Variants in DISP3 observed in about 807,000 individuals in gnomAD.
DISP3 encodes the protein protein dispatched homolog 3.
A neutral mutation model predicts 135.3 loss-of-function variants in DISP3; 101 were observed. The ratio of observed to expected loss-of-function variants is 0.75; its 90% CI spans 0.64 to 0.88. The LOEUF is 0.88. Among genes scored for constraint, DISP3 ranks in the 40% least tolerant of loss-of-function variants. DISP3 has a pLI of 0.00. For missense variants in DISP3, 1,713 were observed against 1,878.6 expected (o/e 0.91, Z 1.63); for synonymous variants, 856 against 817.0 (o/e 1.05, Z -0.81).
intron 3 of DISP3, among the ~76,000 whole-genome samples, chr1:11,506,852 A>G (rs1020076444): frequency 6.6e-6 from 1 of 152,210 alleles, no homozygotes; most frequent in African/African-American, 2.4e-5. Flanking sequence ...TTAAGGCTGA[A>G]GTGCAGTGGC....
At chr1:11,524,285 C>T (rs1038100177) in intron 11 of DISP3, among the ~76,000 whole-genome samples, 2 of 152,008 alleles carry the variant, frequency 1.3e-5, no homozygotes, top group African/African-American at 4.8e-5. Flanking sequence ...CCCAGAGCCT[C>T]CCTGTGCACC....
At chr1:11,486,918 A>T (rs1017265004) in intron 1 of DISP3, among the ~76,000 whole-genome samples, 33 of 152,196 alleles carry the variant, frequency 2.2e-4, no homozygotes, top group African/African-American at 8.0e-4. Flanking sequence ...GGCTCAAGTG[A>T]TCTGCCTGCC....
intron 10 of DISP3, among the ~76,000 whole-genome samples, chr1:11,523,091 G>A (rs1338180102): frequency 2.6e-5 from 4 of 152,166 alleles, no homozygotes; most frequent in Admixed American, 2.6e-4. Flanking sequence ...AAGGGCAGGC[G>A]AGGCCAGAAC....
intron 1 of DISP3, among the ~76,000 whole-genome samples, chr1:11,496,915 A>G (rs1641350833): frequency 6.6e-6 from 1 of 152,252 alleles, no homozygotes; most frequent in Non-Finnish European, 1.5e-5. Flanking sequence ...AGGGCCACCC[A>G]GAAAGCTGGT....
At chr1:11,534,598 C>T in intron 18 of DISP3, 58 bp downstream of exon 18, 1 of 1,553,822 alleles carries the variant, frequency 6.4e-7, no homozygotes, top group Non-Finnish European at 8.7e-7. Flanking sequence ...GGACCTGGGG[C>T]CGGGAGGGCA....
intron 1 of DISP3, among the ~76,000 whole-genome samples, chr1:11,497,245 G>C (rs1444536506): frequency 6.6e-6 from 1 of 152,044 alleles, no homozygotes; most frequent in African/African-American, 2.4e-5. Context: ...TGGGGTACAG[G>C]TGGTACTTGG....
At chr1:11,500,008 G>A (rs1043018853) in intron 1 of DISP3, among the ~76,000 whole-genome samples, 1 of 152,374 alleles carries the variant, frequency 6.6e-6, no homozygotes, top group Admixed American at 6.5e-5. Context: ...CGGGGATGCC[G>A]GAAAGCCTCC....
At chr1:11,524,123 G>A in intron 11 of DISP3, 68 bp downstream of exon 11, 1 of 1,229,676 alleles carries the variant, frequency 8.1e-7, no homozygotes, top group Non-Finnish European at 1.2e-6. Context: ...TGTAAGGAGA[G>A]CAGATAAAAT....
At chr1:11,535,264 G>T in intron 19 of DISP3, 140 bp downstream of exon 19, 1 of 1,028,390 alleles carries the variant, frequency 9.7e-7, no homozygotes, top group Non-Finnish European at 1.4e-6. Flanking sequence ...TGTCTCTCCT[G>T]CATGTCTGTG....
At position 11,501,919 on chromosome 1, in the gene DISP3, A is replaced by G. The variant is rs769747625; in HGVS notation, c.927A>G (p.Pro309=). 34 of 1,613,440 alleles carry G rather than the reference A, an allele frequency of 2.1e-5. No individual in the cohort carries two copies. Among genetic ancestry groups the G allele is most frequent in the Non-Finnish European group, 2.8e-5 (33 of 1,179,866 alleles). Residue 309 remains proline, a synonymous_variant, in exon 2 of 21, where the codon CCA becomes CCG. Transcript: ENST00000294484. This position sits in a 1 kb window ranked among gnomAD's most constrained non-coding sequence, Gnocchi z 4.9. ...TCGAGCGCAAGATCATGGACCACCC[A>G]GGCTTCCGGGAGTTCTGCTGGAAGC... The part of the protein sequence containing the change: ...HEIERKIMDH[P]GFREFCWKPH...
intron 1 of DISP3, among the ~76,000 whole-genome samples, chr1:11,486,811 G>A (rs1317931961): frequency 6.6e-6 from 1 of 152,080 alleles, no homozygotes; most frequent in Non-Finnish European, 1.5e-5. Flanking sequence ...CTGAGTAATT[G>A]GGACTACGGG....
In DISP3 at chr1:11,501,865, C is replaced by T. The variant is rs1050480944; in HGVS notation, c.873C>T (p.Thr291=). Residue 291 remains threonine, a synonymous_variant, in exon 2 of 21, where the codon ACC becomes ACT. Coordinates refer to ENST00000294484, the MANE Select transcript of DISP3 (RefSeq NM_020780.2). This position sits in a 1 kb window ranked among gnomAD's most constrained non-coding sequence, Gnocchi z 4.9. ...GCGACGCGGAGCGCAACATTTTCAC[C>T]AGTGAGCGCCTGGTCACGATCCATG... ...ARGDAERNIF[T]SERLVTIHEI... 1 of 1,613,068 alleles carries T rather than the reference C, an allele frequency of 6.2e-7. No individual in the cohort carries two copies.
At chr1:11,503,003 A>T (rs1207459231) in intron 3 of DISP3, 106 bp downstream of exon 3, 1 of 1,069,002 alleles carries the variant, frequency 9.4e-7, no homozygotes, top group Non-Finnish European at 1.3e-6. Flanking sequence ...TTCCTTTGGA[A>T]GTCTTTCTTT....
At chr1:11,530,573 G>A (rs912736016) in intron 15 of DISP3, among the ~76,000 whole-genome samples, 1 of 152,038 alleles carries the variant, frequency 6.6e-6, no homozygotes. Flanking sequence ...GGGGTGGGGG[G>A]ACCAGGCAGG....
chr1:11,521,882 G>A (rs951245807), intron 10 of DISP3, among the ~76,000 whole-genome samples: 2 of 152,146 alleles, frequency 1.3e-5, no homozygotes, highest in Non-Finnish European at 1.5e-5. Flanking sequence ...AGCTAGTCAC[G>A]TGGTTTAAGT....
At chr1:11,533,595 G>C in intron 17 of DISP3, 1 of 609,308 alleles carries the variant, frequency 1.6e-6, no homozygotes, top group South Asian at 1.9e-5. Context: ...GGTTCACCAT[G>C]TTGCAGCAAG....
chr1:11,530,560 G>T (rs1642550787), intron 15 of DISP3, among the ~76,000 whole-genome samples: 1 of 152,098 alleles, frequency 6.6e-6, no homozygotes, highest in South Asian at 2.1e-4. Context: ...GGCGCTCGGA[G>T]CAGGGGTGGG....
chr1:11,501,602 C>T lies in DISP3; in HGVS notation c.610C>T (p.Arg204Trp), dbSNP rs761187397. 12 of 1,600,786 alleles carry T rather than the reference C, an allele frequency of 7.5e-6. No homozygotes were observed. Among genetic ancestry groups the T allele is most frequent in the Non-Finnish European group, 3.4e-6 (4 of 1,173,228 alleles). The change falls in exon 2 of 21, where the codon CGG (arginine) becomes TGG (tryptophan). Residue 204 changes from arginine (R) to tryptophan (W), a missense_variant. By Grantham distance (101) the Arg-to-Trp change is moderately radical (BLOSUM62 -3). Transcript: ENST00000294484. The surrounding 1 kb of genome is among the most constrained non-coding windows in gnomAD (Gnocchi z 4.9). Reference protein sequence around the residue: ...KPTANRSGRLRRETPPLEDLA... With the variant: ...KPTANRSGRLWRETPPLEDLA... The stretch of plus-strand genomic sequence containing the variant: ...CACAGCCAATCGGAGCGGGCGACTT[C>T]GGCGTGAGACCCCGCCCCTGGAGGA...
intron 3 of DISP3, among the ~76,000 whole-genome samples, chr1:11,504,674 A>C (rs1021747197): frequency 2.0e-5 from 3 of 152,092 alleles, no homozygotes; most frequent in African/African-American, 7.2e-5. Flanking sequence ...GGTTGTTATA[A>C]AGCGAGGTTC....
Sources: allele counts gnomAD v4.1 joint callset (sites outside exome capture counted in the v4.1 genomes callset), GRCh38; gene constraint gnomAD v4.1.1; non-coding constraint Gnocchi (gnomAD v3.1); transcripts MANE v1.5; gene names NCBI Gene and HGNC (gene_info 2026-07-23, HGNC 2026-07-21).